MME: variants seen among roughly 807,000 people sequenced by gnomAD.
The protein encoded by MME is neprilysin.
A neutral mutation model predicts 113.2 loss-of-function variants in MME; 98 were observed. The observed-to-expected ratio is 0.87, with a 90% confidence interval of 0.74 to 1.02. MME has a LOEUF of 1.02. Ranked by LOEUF, MME falls within the 50% of genes least tolerant of loss-of-function variation. MME has a pLI of 0.00. For missense variants in MME, 836 were observed against 896.0 expected (o/e 0.93, Z 0.86); for synonymous variants, 292 against 300.6 (o/e 0.97, Z 0.30).
At chr3:155,109,590 G>A (rs1241872942) in intron 3 of MME, among the ~76,000 whole-genome samples, 2 of 152,080 alleles carry the variant, frequency 1.3e-5, no homozygotes, top group Admixed American at 6.5e-5. Flanking sequence ...ATACTTTTTT[G>A]ATATTGGATC....
At chr3:155,125,678 C>G (rs1349857383) in intron 8 of MME, among the ~76,000 whole-genome samples, 1 of 151,800 alleles carries the variant, frequency 6.6e-6, no homozygotes, top group Admixed American at 6.6e-5. Context: ...CCAGTGTGGT[C>G]TCGAACTCCT....
chr3:155,079,565 A>G (rs1714924293), upstream of MME: 1 of 134,552 alleles, frequency 7.4e-6, no homozygotes, highest in African/African-American at 2.8e-5. Context: ...CCTAGCGGAA[A>G]CCTTCAGGTC....
chr3:155,055,466 G>C (rs542311389), intron 1 of MME, among the ~76,000 whole-genome samples: 1 of 151,958 alleles, frequency 6.6e-6, no homozygotes, highest in Non-Finnish European at 1.5e-5. Context: ...GCATAGTGGC[G>C]TGTGCCTGTA....
At chr3:155,150,036 G>T (rs1015291118) in intron 16 of MME, among the ~76,000 whole-genome samples, 1 of 152,066 alleles carries the variant, frequency 6.6e-6, no homozygotes, top group African/African-American at 2.4e-5. Context: ...AATTATCTGG[G>T]TGAATTTATG....
At chr3:155,057,766 C>T (rs1040742986) in intron 1 of MME, among the ~76,000 whole-genome samples, 2 of 150,260 alleles carry the variant, frequency 1.3e-5, no homozygotes, top group African/African-American at 2.5e-5. Context: ...TGGAGATCAG[C>T]GACATTTTTT....
chr3:155,119,725 C>A (rs1718956583), intron 8 of MME, among the ~76,000 whole-genome samples: 1 of 149,384 alleles, frequency 6.7e-6, no homozygotes, highest in East Asian at 2.0e-4. Context: ...TCATCCATGT[C>A]CCTACAAAGG....
At chr3:155,063,958 G>A (rs1223837461) in intron 1 of MME, among the ~76,000 whole-genome samples, 1 of 150,928 alleles carries the variant, frequency 6.6e-6, no homozygotes, top group Non-Finnish European at 1.5e-5. Context: ...GTGGTGGTAT[G>A]GGTGGTAGTT....
intron 1 of MME, among the ~76,000 whole-genome samples, 187 bp downstream of exon 1, chr3:155,080,653 T>C (rs1559903511): frequency 6.6e-6 from 1 of 152,162 alleles, no homozygotes; most frequent in Non-Finnish European, 1.5e-5. Flanking sequence ...GTGTGTCCTT[T>C]TGTAGATGAA....
At chr3:155,045,326 T>C (rs929506603) in intron 1 of MME, among the ~76,000 whole-genome samples, 5 of 151,916 alleles carry the variant, frequency 3.3e-5, no homozygotes, top group Non-Finnish European at 7.4e-5. Flanking sequence ...AATTTTTGTA[T>C]TTTAGTGGAG....
chr3:155,031,641 T>C (rs1206851441), intron 1 of MME, among the ~76,000 whole-genome samples: 3 of 152,148 alleles, frequency 2.0e-5, no homozygotes, highest in Non-Finnish European at 4.4e-5. Context: ...TAGCCAGCTT[T>C]TGCTTTTTGT....
At chr3:155,056,694 G>A (rs1713941237) in intron 1 of MME, among the ~76,000 whole-genome samples, 1 of 152,070 alleles carries the variant, frequency 6.6e-6, no homozygotes, top group African/African-American at 2.4e-5. Flanking sequence ...GATATACCCA[G>A]TAATGGGATG....
At chr3:155,110,625 C>T (rs1320098611) in intron 3 of MME, among the ~76,000 whole-genome samples, 2 of 152,102 alleles carry the variant, frequency 1.3e-5, no homozygotes, top group Non-Finnish European at 2.9e-5. Flanking sequence ...AAGAAATAAG[C>T]TCATTATTAA....
chr3:155,178,114 G>A (rs1280942961), intron 22 of MME, among the ~76,000 whole-genome samples: 1 of 152,026 alleles, frequency 6.6e-6, no homozygotes, highest in Non-Finnish European at 1.5e-5. Context: ...CCCCATTCTT[G>A]GGAAGGCCAA....
intron 22 of MME, among the ~76,000 whole-genome samples, chr3:155,178,115 G>C (rs1048060809): frequency 6.6e-6 from 1 of 152,030 alleles, no homozygotes; most frequent in Non-Finnish European, 1.5e-5. Context: ...CCCATTCTTG[G>C]GAAGGCCAAT....
intron 1 of MME, among the ~76,000 whole-genome samples, chr3:155,082,236 C>T (rs929676196): frequency 3.3e-5 from 5 of 152,066 alleles, no homozygotes; most frequent in Non-Finnish European, 5.9e-5. Context: ...CACTGACTGT[C>T]ATTTCTAAGG....
At chr3:155,048,629 C>A (rs1047553317) in intron 1 of MME, among the ~76,000 whole-genome samples, 6 of 151,952 alleles carry the variant, frequency 3.9e-5, no homozygotes, top group Non-Finnish European at 7.4e-5. Context: ...TTTTTTTACA[C>A]CTGGATCCTC....
chr3:155,139,066 C>A (rs1421256851), intron 9 of MME, among the ~76,000 whole-genome samples: 1 of 152,040 alleles, frequency 6.6e-6, no homozygotes, highest in Non-Finnish European at 1.5e-5. Flanking sequence ...TTTCCTGGGG[C>A]TACGTGAAAC....
At position 155,170,889 on chromosome 3, in the gene MME, T is replaced by A. The variant is rs144538124; in HGVS notation, c.1981-1228T>A. ...GACTCACTGAGAGTAAAGTTTAACA[T>A]CTCTCAGGGGTCATTCTCCTTTTGC... On this transcript the variant is annotated intron_variant, in intron 20 of 22. Transcript: ENST00000360490. Among the ~76,000 whole-genome samples, 1,028 of 152,294 alleles carry A rather than the reference T, an allele frequency of 6.8e-3. 11 individuals are homozygous for A. Among genetic ancestry groups the A allele is most frequent in the African/African-American group, 0.023 (970 of 41,576 alleles).
intron 1 of MME, among the ~76,000 whole-genome samples, chr3:155,041,049 G>C (rs1265923395): frequency 6.6e-6 from 1 of 152,120 alleles, no homozygotes; most frequent in East Asian, 1.9e-4. Flanking sequence ...CCACACAACA[G>C]AGAACATCTT....
Sources: gnomAD v4.1 joint callset for allele counts (sites outside exome capture counted in the v4.1 genomes callset) on GRCh38, gnomAD v4.1.1 for gene constraint, MANE v1.5 for transcripts, NCBI Gene and HGNC (gene_info 2026-07-23, HGNC 2026-07-21) for gene names.